The following PRRC2C variants were observed in gnomAD, a reference collection of about 807,000 sequenced individuals.
PRRC2C encodes the protein proline rich coiled-coil 2C.
A neutral mutation model predicts 317.2 loss-of-function variants in PRRC2C; 72 were observed. The ratio of observed to expected loss-of-function variants is 0.23; its 90% CI spans 0.19 to 0.28. The LOEUF (loss-of-function observed/expected upper bound fraction) is 0.28, where lower values mean the gene tolerates loss of function less well. Ranked by LOEUF, PRRC2C falls within the 10% of genes least tolerant of loss-of-function variation. The probability of loss-of-function intolerance (pLI) is 1.00; values close to 1 mark genes in which losing one functional copy is unlikely to be tolerated. For synonymous variants in PRRC2C, 1,296 were observed against 1,205.9 expected (o/e 1.07, Z -1.55); for missense variants, 3,074 against 3,459.7 (o/e 0.89, Z 2.80).
At chr1:171,513,366 G>C (rs1245920752) in intron 3 of PRRC2C, 194 bp downstream of exon 3, 2 of 723,778 alleles carry the variant, frequency 2.8e-6, no homozygotes, top group East Asian at 5.9e-5. Flanking sequence ...TGTCAGGGTA[G>C]AACAGATGAC....
At chr1:171,571,249 G>A (rs1400469727) in intron 23 of PRRC2C, 71 bp from the exon 24 acceptor site, 4 of 846,478 alleles carry the variant, frequency 4.7e-6, no homozygotes, top group African/African-American at 1.7e-5. Context: ...GAACACCTTA[G>A]CATTGTCTTT....
At chr1:171,495,122 C>T (rs1667892981) in intron 1 of PRRC2C, among the ~76,000 whole-genome samples, 2 of 152,156 alleles carry the variant, frequency 1.3e-5, no homozygotes, top group African/African-American at 4.8e-5. Flanking sequence ...GAGCATAATA[C>T]TCTAAACATA....
chr1:171,587,010 T>G lies in PRRC2C; in HGVS notation c.7757T>G (p.Val2586Gly), dbSNP rs1188840451. 1 of 1,600,984 alleles carries G rather than the reference T, an allele frequency of 6.2e-7. No homozygotes were observed. Among genetic ancestry groups the G allele is most frequent in the Non-Finnish European group, 8.5e-7 (1 of 1,171,946 alleles). The part of the protein sequence containing the change: ...QSPSALQQVT[V>G]PLPASQLSLP... ...TCTTTACTTATTTTCTAGGTTACAG[T>G]ACCTTTACCAGCATCGCAGCTTTCC... The change falls in exon 31 of 35, where the codon GTA becomes GGA. Residue 2586 changes from valine (V) to glycine (G), a missense_variant. Around this residue, in one of 11 missense-constraint regions of PRRC2C, gnomAD observed 490 missense variants for 663.1 expected, o/e 0.74. Transcript: ENST00000647382.
intron 15 of PRRC2C, among the ~76,000 whole-genome samples, chr1:171,538,483 AT>A (rs1225738775): frequency 2.0e-5 from 3 of 152,198 alleles, no homozygotes; most frequent in Middle Eastern, 3.2e-3. Context: ...GACTGTAATA[AT>A]TTATAGCCAT....
intron 24 of PRRC2C, among the ~76,000 whole-genome samples, chr1:171,573,783 A>G (rs965734204): frequency 1.4e-5 from 2 of 145,838 alleles, no homozygotes; most frequent in Non-Finnish European, 3.0e-5. Flanking sequence ...GGTTCACGCA[A>G]TTCTCCTGCC....
intron 20 of PRRC2C, among the ~76,000 whole-genome samples, chr1:171,562,242 G>A (rs958482854): frequency 6.6e-6 from 1 of 152,172 alleles, no homozygotes; most frequent in Admixed American, 6.6e-5. Flanking sequence ...AGCACACTTG[G>A]TTTGTTTGAG....
intron 1 of PRRC2C, among the ~76,000 whole-genome samples, chr1:171,487,360 G>A (rs1406159118): frequency 6.6e-6 from 1 of 152,134 alleles, no homozygotes; most frequent in Non-Finnish European, 1.5e-5. Flanking sequence ...CCTTCAACCT[G>A]CTTTTTAAAT....
At chr1:171,571,113 GATA>G (rs1388954155) in intron 23 of PRRC2C, among the ~76,000 whole-genome samples, 2 of 152,180 alleles carry the variant, frequency 1.3e-5, no homozygotes, top group Non-Finnish European at 2.9e-5. Flanking sequence ...TAAAAAGGCA[GATA>G]ATAATTTCCC....
In PRRC2C at chr1:171,579,350, A is replaced by G. The variant is rs747800463; in HGVS notation, c.7160-4A>G. 2.4e-5 allele frequency: 38 copies of G among 1,612,346 alleles called. No homozygotes were observed. The highest frequency in any genetic ancestry group is 3.3e-5 in the Admixed American group (2 of 59,896). On this transcript the variant is annotated splice_region_variant and splice_polypyrimidine_tract_variant and intron_variant, in intron 26 of 34. Coordinates refer to ENST00000647382, the MANE Select transcript of PRRC2C (RefSeq NM_001387844.1). ...TACTGCTTGTTTATCCTGATGGTCT[A>G]CAGCTCAAATCCCAGCCTTCTATAT...
chr1:171,586,753 G>A lies in PRRC2C; in HGVS notation c.7750-250G>A, dbSNP rs922635202. Among the ~76,000 whole-genome samples the A allele has an allele frequency of 1.7e-4, 25 of 149,080 alleles. No individual in the cohort carries two copies. In the South Asian group the frequency reaches 2.6e-3, roughly 15 times the overall value. On this transcript the variant is annotated intron_variant, in intron 30 of 34. Transcript: ENST00000647382. Reference sequence around the variant, plus strand: ...ATGCCACCACATGCAGCTAATTTTCGTATTTTTTTTTTTTAGTAGAGACAG... The same window carrying A: ...ATGCCACCACATGCAGCTAATTTTCATATTTTTTTTTTTTAGTAGAGACAG...
intron 17 of PRRC2C, among the ~76,000 whole-genome samples, chr1:171,547,138 A>G (rs1369881031): frequency 6.6e-6 from 1 of 152,182 alleles, no homozygotes. Context: ...GTAAAAACAG[A>G]TAAAAACTAT....
At chr1:171,507,281 A>C (rs1367141638) in intron 1 of PRRC2C, among the ~76,000 whole-genome samples, 1 of 152,140 alleles carries the variant, frequency 6.6e-6, no homozygotes, top group Non-Finnish European at 1.5e-5. Flanking sequence ...ACATTAGGGT[A>C]ATTTTCACCC....
chr1:171,557,599 T>C lies in PRRC2C; in HGVS notation c.5487T>C (p.Ala1829=). The part of the protein sequence containing the change: ...ASVPASTSAA[A]ITSSSAPASA... ...TTCCAGCCTCTACTTCAGCTGCAGC[T>C]ATAACCTCTTCTTCAGCTCCAGCCT... Residue 1829 remains alanine, a synonymous_variant, in exon 19 of 35, where the codon GCT becomes GCC. Transcript: ENST00000647382. 6.4e-7 allele frequency: 1 copy of C among 1,551,634 alleles called. No individual in the cohort carries two copies. The highest frequency in any genetic ancestry group is 8.7e-7 in the Non-Finnish European group (1 of 1,146,970).
intron 2 of PRRC2C, 48 bp downstream of exon 2, chr1:171,512,248 A>G (rs1425143493): frequency 1.6e-6 from 2 of 1,274,516 alleles, no homozygotes; most frequent in African/African-American, 1.5e-5. Context: ...TTGTTTTGTT[A>G]CTATAAGTGA....
chr1:171,583,415 C>T (rs1649156939), intron 28 of PRRC2C, among the ~76,000 whole-genome samples: 1 of 152,078 alleles, frequency 6.6e-6, no homozygotes, highest in Non-Finnish European at 1.5e-5. Flanking sequence ...TTTCATCTAC[C>T]TCCACATCCT....
intron 1 of PRRC2C, among the ~76,000 whole-genome samples, chr1:171,490,683 G>A (rs909784990): frequency 6.6e-6 from 1 of 152,190 alleles, no homozygotes; most frequent in Non-Finnish European, 1.5e-5. Flanking sequence ...AGAGCTAAAT[G>A]TAGCAGAGTT....
chr1:171,579,129 T>C (rs1647924437), intron 26 of PRRC2C, among the ~76,000 whole-genome samples: 1 of 152,190 alleles, frequency 6.6e-6, no homozygotes, highest in Non-Finnish European at 1.5e-5. Flanking sequence ...TAAATTTTTT[T>C]TTCATGCCTT....
At chr1:171,543,946 G>A (rs1025008476) in intron 16 of PRRC2C, among the ~76,000 whole-genome samples, 10 of 152,194 alleles carry the variant, frequency 6.6e-5, no homozygotes, top group Admixed American at 6.5e-5. Context: ...TAACAGACCC[G>A]TTCATGGTAA....
chr1:171,580,114 G>T, intron 28 of PRRC2C, 150 bp downstream of exon 28: 1 of 617,220 alleles, frequency 1.6e-6, no homozygotes, highest in Non-Finnish European at 2.4e-6. Flanking sequence ...TTGATTATAT[G>T]TCATGAACCT....
Sources: allele counts gnomAD v4.1 joint callset (sites outside exome capture counted in the v4.1 genomes callset), GRCh38; gene constraint gnomAD v4.1.1; regional missense constraint gnomAD v4.1.1; transcripts MANE v1.5; gene names NCBI Gene and HGNC (gene_info 2026-07-23, HGNC 2026-07-21).